Variants in QTMAN observed in about 807,000 individuals in gnomAD.
QTMAN encodes tRNA-queuosine alpha-mannosyltransferase.
the QTMAN span, among the ~76,000 whole-genome samples, chr2:144,073,170 G>C: frequency 6.6e-6 from 1 of 151,656 alleles, no homozygotes; most frequent in African/African-American, 2.4e-5. Flanking sequence ...GCTATATATT[G>C]TCACCCAACA....
the QTMAN span, among the ~76,000 whole-genome samples, chr2:144,043,707 T>A: frequency 6.6e-6 from 1 of 152,048 alleles, no homozygotes; most frequent in Non-Finnish European, 1.5e-5. Context: ...CACTTTTGGC[T>A]AACTGACCAA....
At chr2:144,229,969 A>C in the QTMAN span, among the ~76,000 whole-genome samples, 9,322 of 152,246 alleles carry the variant, frequency 0.061, 369 homozygotes, top group South Asian at 0.16. Flanking sequence ...AAATGCTTTC[A>C]TTTTAAAAGC....
At chr2:144,193,412 ATATAT>A in the QTMAN span, among the ~76,000 whole-genome samples, 1 of 148,450 alleles carries the variant, frequency 6.7e-6, no homozygotes, top group African/African-American at 2.4e-5. Flanking sequence ...ACATTACATT[ATATAT>A]TATGTTATAT....
the QTMAN span, among the ~76,000 whole-genome samples, chr2:143,982,238 T>C: frequency 2.0e-5 from 3 of 149,408 alleles, no homozygotes; most frequent in Non-Finnish European, 3.0e-5. Context: ...TTCTTTCTCT[T>C]TTTTTTTTTG....
chr2:144,133,400 A>ATATATAATATATAATATATAAT, the QTMAN span, among the ~76,000 whole-genome samples: 2 of 41,946 alleles, frequency 4.8e-5, no homozygotes, highest in Non-Finnish European at 8.9e-5. Context: ...ATATTATATA[A>ATATATAATATATAATATATAAT]ATATAATATA....
At chr2:144,060,872 A>G in the QTMAN span, among the ~76,000 whole-genome samples, 2 of 152,232 alleles carry the variant, frequency 1.3e-5, no homozygotes, top group Non-Finnish European at 2.9e-5. Context: ...ATAAACATAA[A>G]GCCTACTTCT....
the QTMAN span, among the ~76,000 whole-genome samples, chr2:143,974,644 C>A: frequency 6.6e-6 from 1 of 151,916 alleles, no homozygotes; most frequent in East Asian, 1.9e-4. Context: ...GAAAGTTTGG[C>A]ATAGGTATAC....
chr2:144,031,015 C>A, the QTMAN span, among the ~76,000 whole-genome samples: 1 of 152,128 alleles, frequency 6.6e-6, no homozygotes, highest in Non-Finnish European at 1.5e-5. Flanking sequence ...CACTTCTGTT[C>A]GTTCGAGTGG....
chr2:144,042,537 C>T, the QTMAN span, among the ~76,000 whole-genome samples: 4 of 151,930 alleles, frequency 2.6e-5, no homozygotes. Flanking sequence ...GGGCAGATCA[C>T]GAGGTCAGGA....
the QTMAN span, among the ~76,000 whole-genome samples, chr2:144,141,240 A>G: frequency 2.6e-5 from 4 of 151,880 alleles, no homozygotes; most frequent in African/African-American, 4.8e-5. Context: ...GGTTTAATCA[A>G]AAGTGAAAAG....
chr2:144,048,166 A>G, the QTMAN span, among the ~76,000 whole-genome samples: 1 of 152,186 alleles, frequency 6.6e-6, no homozygotes, highest in African/African-American at 2.4e-5. Context: ...GTGGTCAACA[A>G]ATTCATGTGG....
At chr2:143,979,857 G>GT in the QTMAN span, among the ~76,000 whole-genome samples, 1 of 152,104 alleles carries the variant, frequency 6.6e-6, no homozygotes, top group Non-Finnish European at 1.5e-5. Context: ...AGCTCTTTCT[G>GT]TAACATTCAG....
the QTMAN span, among the ~76,000 whole-genome samples, chr2:144,262,634 A>G: frequency 2.7e-4 from 9 of 33,282 alleles, no homozygotes; most frequent in East Asian, 8.0e-4. Flanking sequence ...AAGGGAGGGG[A>G]GGGAGAGGGG....
At chr2:143,953,515 A>T in the QTMAN span, among the ~76,000 whole-genome samples, 1 of 151,868 alleles carries the variant, frequency 6.6e-6, no homozygotes, top group Non-Finnish European at 1.5e-5. Context: ...AAACAAACAA[A>T]CATGAAAGTT....
the QTMAN span, among the ~76,000 whole-genome samples, chr2:143,968,954 C>A: frequency 6.6e-6 from 1 of 152,176 alleles, no homozygotes; most frequent in Non-Finnish European, 1.5e-5. Context: ...CATCATATTT[C>A]TTTCCTGTTC....
At chr2:144,073,241 T>A in the QTMAN span, among the ~76,000 whole-genome samples, 3 of 148,604 alleles carry the variant, frequency 2.0e-5, no homozygotes, top group Admixed American at 1.4e-4. Context: ...ATATATATAT[T>A]TTATATATTT....
the QTMAN span, among the ~76,000 whole-genome samples, chr2:144,321,880 T>C: frequency 6.6e-6 from 1 of 152,104 alleles, no homozygotes; most frequent in Non-Finnish European, 1.5e-5. Flanking sequence ...TGAGAGTCAC[T>C]ACAACCCTGA....
chr2:144,106,552 C>A, the QTMAN span, among the ~76,000 whole-genome samples: 1 of 152,184 alleles, frequency 6.6e-6, no homozygotes, highest in African/African-American at 2.4e-5. Context: ...ACAAGAAGAG[C>A]TAACTATCCT....
chr2:144,286,104 G>T, the QTMAN span, among the ~76,000 whole-genome samples: 1 of 152,130 alleles, frequency 6.6e-6, no homozygotes, highest in African/African-American at 2.4e-5. Context: ...AGATGCTCAG[G>T]CCACATATAA....
Sources: gnomAD v4.1 joint callset for allele counts (sites outside exome capture counted in the v4.1 genomes callset) on GRCh38, gnomAD v4.1.1 for gene constraint, MANE v1.5 for transcripts, NCBI Gene and HGNC (gene_info 2026-07-23, HGNC 2026-07-21) for gene names.